HLCS: variants seen among roughly 807,000 people sequenced by gnomAD.
HLCS encodes biotin--protein ligase.
HLCS carries 53 observed loss-of-function variants against 75.0 expected under a neutral mutation model. The ratio of observed to expected loss-of-function variants is 0.71; its 90% confidence interval spans 0.57 to 0.89. HLCS has a LOEUF of 0.89. Among genes scored for constraint, HLCS ranks in the 40% least tolerant of loss-of-function variants. The pLI, the probability that HLCS is intolerant of heterozygous loss-of-function variation, is 0.00. For synonymous variants in HLCS, 431 were observed against 428.6 expected, an observed-to-expected ratio of 1.01 and a Z score of -0.07; for missense variants, 966 against 1,074.0, an observed-to-expected ratio of 0.90 and a Z score of 1.41.
chr21:36,947,766 C>T, intron 2 of HLCS: 1 of 985,512 alleles, frequency 1.0e-6, no homozygotes, highest in Non-Finnish European at 1.2e-6. Flanking sequence ...CCAGGTTAAA[C>T]TAGCACAGGT....
chr21:36,858,752 A>C (rs2063285973), intron 6 of HLCS, among the ~76,000 whole-genome samples: 1 of 152,240 alleles, frequency 6.6e-6, no homozygotes, highest in Admixed American at 6.5e-5. Context: ...GGGCATCTGC[A>C]GGAGACAGGG....
chr21:36,903,933 T>C (rs2065343309), intron 5 of HLCS, among the ~76,000 whole-genome samples: 2 of 152,040 alleles, frequency 1.3e-5, no homozygotes, highest in Non-Finnish European at 2.9e-5. Flanking sequence ...TTGGTGGCTT[T>C]ATAAGAAGAG....
intron 6 of HLCS, among the ~76,000 whole-genome samples, chr21:36,847,340 C>A (rs895590092): frequency 6.6e-6 from 1 of 152,178 alleles, no homozygotes; most frequent in African/African-American, 2.4e-5. Context: ...CATAGCAGCA[C>A]GCTAGAATCA....
chr21:36,844,570 G>A (rs1289024315), intron 6 of HLCS, among the ~76,000 whole-genome samples: 1 of 152,158 alleles, frequency 6.6e-6, no homozygotes, highest in African/African-American at 2.4e-5. Flanking sequence ...CAGGCCACAG[G>A]AAAGAACAAA....
chr21:36,877,709 C>A (rs963650563), intron 6 of HLCS, among the ~76,000 whole-genome samples: 3 of 152,122 alleles, frequency 2.0e-5, no homozygotes, highest in African/African-American at 7.2e-5. Flanking sequence ...TCAAGTTTCC[C>A]TCTAGTGTTT....
chr21:36,950,148 T>C (rs2067601335), intron 2 of HLCS, among the ~76,000 whole-genome samples: 1 of 151,182 alleles, frequency 6.6e-6, no homozygotes, highest in African/African-American at 2.4e-5. Flanking sequence ...AATTGTGACC[T>C]TCCTAAAGTG....
At position 36,796,658 on chromosome 21, in the gene HLCS, C is replaced by T. The variant is rs561915569; in HGVS notation, c.1893-29373G>A. ...TCCCACAGACTCTACCAAACATTAT[C>T]GGGGCCACTAACAAAGAAGGAAGAA... On this transcript the variant is annotated intron_variant, in intron 6 of 10. Transcript: ENST00000674895. Among the ~76,000 whole-genome samples, 19 of 152,286 alleles carry T rather than the reference C, an allele frequency of 1.2e-4. 1 individual carries two copies. The highest frequency in any genetic ancestry group is 4.2e-4 in the South Asian group (2 of 4,816).
At chr21:36,916,307 ATCTG>A (rs1428391730) in intron 5 of HLCS, among the ~76,000 whole-genome samples, 7 of 152,118 alleles carry the variant, frequency 4.6e-5, no homozygotes, top group Non-Finnish European at 8.8e-5. Flanking sequence ...AAGATCAACT[ATCTG>A]TCCTCATAGC....
At chr21:36,876,032 G>T (rs894371768) in intron 6 of HLCS, among the ~76,000 whole-genome samples, 3 of 152,094 alleles carry the variant, frequency 2.0e-5, no homozygotes, top group African/African-American at 7.2e-5. Flanking sequence ...TTGCACGGAG[G>T]CAGCACCCGT....
chr21:36,846,981 G>A (rs562169811), intron 6 of HLCS, among the ~76,000 whole-genome samples: 145 of 152,260 alleles, frequency 9.5e-4, no homozygotes, highest in African/African-American at 3.4e-3. Flanking sequence ...AATTTTTGTA[G>A]CCTTTTCAAA....
upstream of HLCS, among the ~76,000 whole-genome samples, chr21:36,967,937 C>T (rs1056870847): frequency 7.2e-5 from 11 of 152,164 alleles, no homozygotes; most frequent in Admixed American, 3.3e-4. Context: ...CCAGGGTGGT[C>T]TCGAACTCCT....
At chr21:36,796,868 C>T (rs2061040479) in intron 6 of HLCS, among the ~76,000 whole-genome samples, 1 of 146,374 alleles carries the variant, frequency 6.8e-6, no homozygotes, top group South Asian at 2.2e-4. Context: ...TTATCATGAT[C>T]TTTTTTTTTT....
chr21:36,936,515 C>T lies in HLCS; in HGVS notation c.1371G>A (p.Glu457=), dbSNP rs760694310. 6.2e-6 allele frequency: 10 copies of T among 1,614,244 alleles called. No homozygotes were observed. The highest frequency in any genetic ancestry group is 7.6e-6 in the Non-Finnish European group (9 of 1,180,044). ...CATGCACAATCATCCTGTCCTTGTCCTCATTCTCCAGGTGGCCCTGGAGCC... is the reference window on the plus strand; with the variant it reads ...CATGCACAATCATCCTGTCCTTGTCTTCATTCTCCAGGTGGCCCTGGAGCC... ...PGRLQGHLEN[E]DKDRMIVHVP... is the part of the protein sequence containing the mutation. The change falls in exon 4 of 11, where the codon GAG becomes GAA. Residue 457 remains glutamate (E), a synonymous_variant. Coordinates refer to ENST00000674895, the MANE Select transcript of HLCS (RefSeq NM_001352514.2).
intron 6 of HLCS, among the ~76,000 whole-genome samples, chr21:36,892,696 C>T (rs150489943): frequency 1.4e-4 from 22 of 152,294 alleles, no homozygotes; most frequent in Non-Finnish European, 1.0e-4. Flanking sequence ...TGTCCTTCCC[C>T]GTCTTCCTTA....
intron 6 of HLCS, among the ~76,000 whole-genome samples, chr21:36,834,772 T>C (rs1399456754): frequency 6.6e-6 from 1 of 152,168 alleles, no homozygotes; most frequent in Non-Finnish European, 1.5e-5. Context: ...GCCAGGATGG[T>C]CTCAATCTCT....
At chr21:36,880,954 T>TTTTG (rs146652378) in intron 6 of HLCS, among the ~76,000 whole-genome samples, 13,892 of 150,126 alleles carry the variant, frequency 0.093, 902 homozygotes, top group East Asian at 0.23. Context: ...AGCAGAGAGT[T>TTTTG]TTTGTTTGTT....
chr21:36,965,029 C>G (rs1272099459), intron 1 of HLCS, among the ~76,000 whole-genome samples: 2 of 152,150 alleles, frequency 1.3e-5, no homozygotes. Context: ...GGAGGTGGTA[C>G]TAGTTATTTG....
In HLCS at chr21:36,751,560, C is replaced by T. The variant is rs1323047481; in HGVS notation, c.*2686G>A. The T allele has an allele frequency of 6.6e-6, 1 of 152,372 alleles. No individual in the cohort carries two copies. Among genetic ancestry groups the T allele is most frequent in the Non-Finnish European group, 1.5e-5 (1 of 68,132 alleles). 9.4% of individuals were successfully genotyped at this position (152,372 alleles called of 1,614,324 possible). ...TGTGCTCCCCCGACCTGTGCACCCG[C>T]ACCCCAGTCGGCCACTTGCTCTCAC... On this transcript the variant is annotated 3_prime_UTR_variant, in exon 11 of 11. Coordinates refer to ENST00000674895, the MANE Select transcript of HLCS (RefSeq NM_001352514.2).
chr21:36,941,432 C>T (rs1377735033), intron 2 of HLCS, among the ~76,000 whole-genome samples: 1 of 152,170 alleles, frequency 6.6e-6, no homozygotes, highest in Non-Finnish European at 1.5e-5. Flanking sequence ...AACAGACTAA[C>T]ACATATAGAC....
Sources: allele counts gnomAD v4.1 joint callset (sites outside exome capture counted in the v4.1 genomes callset), GRCh38; gene constraint gnomAD v4.1.1; transcripts MANE v1.5; gene names NCBI Gene and HGNC (gene_info 2026-07-23, HGNC 2026-07-21).